EYS: variants seen among roughly 807,000 people sequenced by gnomAD.
EYS encodes the protein EGF-like photoreceptor maintenance factor.
In EYS, 250 loss-of-function variants were observed where a neutral mutation model predicts 282.1. The ratio of observed to expected loss-of-function variants is 0.89; its 90% CI spans 0.80 to 0.98. The LOEUF (loss-of-function observed/expected upper bound fraction) is 0.98, where lower values mean the gene tolerates loss of function less well. Among genes scored for constraint, EYS ranks in the 50% least tolerant of loss-of-function variants. EYS has a pLI of 0.00. For synonymous variants in EYS, 1,355 were observed against 1,282.9 expected, an observed-to-expected ratio of 1.06 and a Z score of -1.20; for missense variants, 4,016 against 3,709.0, an observed-to-expected ratio of 1.08 and a Z score of -2.15.
chr6:64,870,085 T>C (rs898179667), intron 19 of EYS, among the ~76,000 whole-genome samples: 1 of 151,688 alleles, frequency 6.6e-6, no homozygotes, highest in Admixed American at 6.6e-5. Context: ...CAATCAATCA[T>C]AGTTTCCATG....
At chr6:64,565,492 T>C (rs7743397) in intron 26 of EYS, among the ~76,000 whole-genome samples, 170 of 152,242 alleles carry the variant, frequency 1.1e-3, no homozygotes, top group African/African-American at 3.8e-3. Flanking sequence ...GAGGACATTA[T>C]ACAAAGTGGA....
chr6:64,954,341 A>G (rs897518483), intron 14 of EYS, among the ~76,000 whole-genome samples: 11 of 152,130 alleles, frequency 7.2e-5, no homozygotes, highest in Non-Finnish European at 1.5e-4. Flanking sequence ...ATGGGAAAAA[A>G]TAACTCATCT....
At chr6:65,198,386 T>C (rs1765820824) in intron 12 of EYS, among the ~76,000 whole-genome samples, 1 of 152,144 alleles carries the variant, frequency 6.6e-6, no homozygotes, top group South Asian at 2.1e-4. Flanking sequence ...ATAAAATGTA[T>C]AGTATACTAA....
At chr6:64,478,414 T>A in intron 26 of EYS, among the ~76,000 whole-genome samples, 1 of 151,658 alleles carries the variant, frequency 6.6e-6, no homozygotes, top group South Asian at 2.1e-4. Flanking sequence ...AATTTTAATA[T>A]TTAAATGTTT....
chr6:65,068,252 G>C (rs953645378), intron 12 of EYS, among the ~76,000 whole-genome samples: 2 of 152,018 alleles, frequency 1.3e-5, no homozygotes, highest in Non-Finnish European at 2.9e-5. Context: ...CAACGGAGTC[G>C]AATGTTAAGG....
chr6:63,911,853 C>G (rs1406594107), intron 35 of EYS, among the ~76,000 whole-genome samples: 2 of 152,182 alleles, frequency 1.3e-5, no homozygotes, highest in African/African-American at 4.8e-5. Context: ...TCTTATGTAT[C>G]TCAAATTTAA....
rs183567256 is a variant in EYS at position 64,611,885 on chromosome 6, A to G, written c.3684+5533T>C. Among the ~76,000 whole-genome samples the G allele has an allele frequency of 1.2e-4, 19 of 152,318 alleles. No homozygotes were observed. In the East Asian group the frequency reaches 3.7e-3, roughly 29 times the overall value. On this transcript the variant is annotated intron_variant, in intron 24 of 42. Transcript: ENST00000503581. ...CACAAAAATATCTACTTAAAAGAGC[A>G]TTACGAGTTTGTCTAAAATGGCATC...
At chr6:64,169,409 T>C (rs974568905) in intron 31 of EYS, among the ~76,000 whole-genome samples, 6 of 147,062 alleles carry the variant, frequency 4.1e-5, no homozygotes, top group Admixed American at 3.5e-4. Context: ...ATCAATGACA[T>C]ACTCAAACAA....
intron 5 of EYS, among the ~76,000 whole-genome samples, chr6:65,418,656 C>T (rs1442096241): frequency 1.3e-5 from 2 of 151,950 alleles, no homozygotes; most frequent in African/African-American, 2.4e-5. Flanking sequence ...CATGTTTTCA[C>T]TTATAAGTGG....
chr6:64,597,002 A>C (rs1019101474), intron 24 of EYS, among the ~76,000 whole-genome samples: 3 of 152,138 alleles, frequency 2.0e-5, no homozygotes, highest in Admixed American at 6.5e-5. Context: ...AGGACCTCAA[A>C]CAACTCAACA....
intron 21 of EYS, among the ~76,000 whole-genome samples, chr6:64,814,121 T>C (rs114453842): frequency 0.024 from 3,627 of 152,154 alleles, 152 homozygotes; most frequent in African/African-American, 0.083. Context: ...ATCATAATCT[T>C]TTAATTACCT....
chr6:65,699,807 T>C lies in EYS; in HGVS notation c.-448+7328A>G, dbSNP rs1164463818. ...TGAACCAACCAAGCTGAGTTTGGAT[T>C]ATTCCCTTAAAACTATATTAAAACA... On this transcript the variant is annotated intron_variant, in intron 1 of 42. Transcript: ENST00000503581. Among the ~76,000 whole-genome samples, 3 of 152,230 alleles carry C rather than the reference T, an allele frequency of 2.0e-5. No individual in the cohort carries two copies. The East Asian group carries it at 5.8e-4, about 30-fold the overall frequency.
chr6:65,055,926 G>A (rs1018598299), intron 13 of EYS, among the ~76,000 whole-genome samples: 1 of 151,884 alleles, frequency 6.6e-6, no homozygotes, highest in African/African-American at 2.4e-5. Context: ...CTTTTTACAT[G>A]CCATACTCTT....
chr6:64,863,110 G>C (rs191991842), intron 19 of EYS, among the ~76,000 whole-genome samples: 1 of 152,022 alleles, frequency 6.6e-6, no homozygotes, highest in African/African-American at 2.4e-5. Context: ...TTGTCCCATA[G>C]GTTACTGGGT....
intron 26 of EYS, among the ~76,000 whole-genome samples, chr6:64,443,722 C>T (rs746746862): frequency 6.6e-6 from 1 of 152,080 alleles, no homozygotes; most frequent in East Asian, 1.9e-4. Context: ...TTTTTCTCAG[C>T]ACAATCTCTC....
intron 29 of EYS, among the ~76,000 whole-genome samples, chr6:64,374,923 A>C (rs1772515990): frequency 6.6e-6 from 1 of 152,174 alleles, no homozygotes; most frequent in Non-Finnish European, 1.5e-5. Flanking sequence ...TGAAAAGGTC[A>C]TTTTGGACAT....
intron 35 of EYS, among the ~76,000 whole-genome samples, chr6:63,905,329 CTTTT>C (rs377115720): frequency 1.3e-4 from 15 of 118,300 alleles, no homozygotes; most frequent in Non-Finnish European, 1.9e-4. Flanking sequence ...CTTTTTTTTT[CTTTT>C]TTTTTTTTTT....
At position 64,590,362 on chromosome 6, in the gene EYS, T is replaced by G. The variant is rs1172059380; in HGVS notation, c.5505A>C (p.Ser1835=). 1 of 1,551,332 alleles carries G rather than the reference T, an allele frequency of 6.4e-7. No homozygotes were observed. Among genetic ancestry groups the G allele is most frequent in the Admixed American group, 2.0e-5 (1 of 50,970 alleles). ...TSLKKEVKTS[S]EWSKWELQPS... is the part of the protein sequence containing the mutation. ...GCTGAAGTTCCCATTTGGACCATTCTGAAGAAGTCTTGACCTCTTTTTTAA... is the reference window on the plus strand; with the variant it reads ...GCTGAAGTTCCCATTTGGACCATTCGGAAGAAGTCTTGACCTCTTTTTTAA... The change falls in exon 26 of 43, where the codon TCA becomes TCC. Residue 1835 remains serine (S), a synonymous_variant. Transcript: ENST00000503581.
chr6:65,422,860 G>T (rs962369487), intron 5 of EYS, among the ~76,000 whole-genome samples: 2 of 151,464 alleles, frequency 1.3e-5, no homozygotes, highest in African/African-American at 4.8e-5. Flanking sequence ...ATGTTTATGT[G>T]TACATCCTAC....
Sources: gnomAD v4.1 joint callset for allele counts (sites outside exome capture counted in the v4.1 genomes callset) on GRCh38, gnomAD v4.1.1 for gene constraint, MANE v1.5 for transcripts, NCBI Gene and HGNC (gene_info 2026-07-23, HGNC 2026-07-21) for gene names.